The following MPP2 variants were observed in gnomAD, a reference collection of about 807,000 sequenced individuals.
MPP2 encodes the protein MAGUK p55 scaffold protein 2, also known as MAGUK p55 subfamily member 2.
A neutral mutation model predicts 58.5 loss-of-function variants in MPP2; 42 were observed. That is an observed-to-expected ratio of 0.72 (90% CI 0.56 to 0.93). The LOEUF is 0.93. MPP2 is among the 40% of genes least tolerant of loss of function. The pLI is 0.00. For missense variants in MPP2, 632 were observed against 760.4 expected (o/e 0.83, Z 1.99); for synonymous variants, 300 against 307.8 (o/e 0.97, Z 0.26).
intron 2 of MPP2, among the ~76,000 whole-genome samples, chr17:43,899,653 G>A (rs1262515228): frequency 1.3e-5 from 2 of 152,166 alleles, no homozygotes; most frequent in Non-Finnish European, 2.9e-5. Context: ...AGGGAAACAG[G>A]CACTGGAGGC....
chr17:43,909,535 T>G (rs867096647), upstream of MPP2: 25 of 1,412,196 alleles, frequency 1.8e-5, no homozygotes, highest in Middle Eastern at 9.1e-4. Context: ...AATCAAGCAA[T>G]TATTACCTCC....
chr17:43,886,903 C>T (rs180673668), intron 3 of MPP2, among the ~76,000 whole-genome samples: 1 of 152,276 alleles, frequency 6.6e-6, no homozygotes, highest in East Asian at 1.9e-4. Context: ...CCCAATTTTT[C>T]TGTCAGGTCT....
intron 3 of MPP2, among the ~76,000 whole-genome samples, chr17:43,897,496 C>CA (rs914805403): frequency 4.3e-5 from 6 of 139,180 alleles, no homozygotes; most frequent in Non-Finnish European, 7.8e-5. Context: ...CAAAACAAAA[C>CA]AAAAAAAACC....
In MPP2 at chr17:43,881,449, G is replaced by C; in HGVS notation, c.813+9C>G. Reference sequence around the variant, plus strand: ...TACCTGGAGAGATGCGGGGGTGCCCGCAGCTCACCTGCCACCAGTTGGCAT... The same window carrying C: ...TACCTGGAGAGATGCGGGGGTGCCCCCAGCTCACCTGCCACCAGTTGGCAT... On this transcript the variant is annotated intron_variant, in intron 7 of 12. Transcript: ENST00000269095. 6.2e-7 allele frequency: 1 copy of C among 1,614,014 alleles called. No individual in the cohort carries two copies.
At chr17:43,887,813 ATT>A (rs11311164) in intron 3 of MPP2, among the ~76,000 whole-genome samples, 3 of 151,306 alleles carry the variant, frequency 2.0e-5, no homozygotes, top group Non-Finnish European at 3.0e-5. Context: ...CTATTGTTTG[ATT>A]TTTTTTTTAG....
intron 3 of MPP2, among the ~76,000 whole-genome samples, chr17:43,887,318 A>G (rs2047411058): frequency 6.6e-6 from 1 of 152,196 alleles, no homozygotes; most frequent in Non-Finnish European, 1.5e-5. Context: ...CAGGAGATTG[A>G]GGCTGCAGTG....
rs2046985553 is a variant in MPP2 at position 43,879,223 on chromosome 17, C to G, written c.1482+52G>C. 1.9e-6 allele frequency: 3 copies of G among 1,575,098 alleles called. No homozygotes were observed. The highest frequency in any genetic ancestry group is 1.2e-5 in the South Asian group (1 of 86,142). On this transcript the variant is annotated intron_variant, in intron 12 of 12. Coordinates refer to ENST00000269095, the MANE Select transcript of MPP2 (RefSeq NM_005374.5). This position sits in a 1 kb window ranked among gnomAD's most constrained non-coding sequence, Gnocchi z 4.1. ...CTCTCTGTCAGCTCAGGCCTGTCCC[C>G]CACCACCCTAGGCAGCTATCAGACC... is the stretch of plus-strand genomic sequence containing the variant.
chr17:43,898,412 G>A, intron 2 of MPP2, 32 bp from the exon 3 acceptor site: 1 of 1,514,634 alleles, frequency 6.6e-7, no homozygotes, highest in Non-Finnish European at 9.2e-7. Flanking sequence ...GAGATACACA[G>A]GTACCAGCTG....
At chr17:43,885,998 C>T (rs1203327369) in intron 3 of MPP2, among the ~76,000 whole-genome samples, 1 of 151,856 alleles carries the variant, frequency 6.6e-6, no homozygotes, top group African/African-American at 2.4e-5. Flanking sequence ...ATCCCAGCTA[C>T]TCAGGAGGCT....
rs2047047307 is a variant in MPP2, at chr17:43,880,244, C to T, written c.1151-260G>A. On this transcript the variant is annotated intron_variant, in intron 10 of 12. Transcript: ENST00000269095. The surrounding 1 kb of genome is among the most constrained non-coding windows in gnomAD (Gnocchi z 5.2). ...GAGGTCCAGAAAGGGCAATGTACAG[C>T]CCAAAGCCACACAGCAAGAGCCAAG... Among the ~76,000 whole-genome samples, 2 of 152,096 alleles carry T rather than the reference C, an allele frequency of 1.3e-5. 1 individual carries two copies. Among genetic ancestry groups the T allele is most frequent in the South Asian group, 4.1e-4 (2 of 4,822 alleles).
At chr17:43,883,514 A>G in intron 3 of MPP2, 159 bp from the exon 4 acceptor site, 2 of 728,524 alleles carry the variant, frequency 2.7e-6, no homozygotes, top group South Asian at 4.0e-5. Context: ...ACACGTGCAC[A>G]TGCATTCCTT....
intron 3 of MPP2, among the ~76,000 whole-genome samples, chr17:43,885,498 A>G (rs2047328198): frequency 6.6e-6 from 1 of 152,194 alleles, no homozygotes; most frequent in African/African-American, 2.4e-5. Context: ...TCTGGGCATC[A>G]TTTCTTTGGC....
At chr17:43,893,957 C>T (rs1001106694) in intron 3 of MPP2, among the ~76,000 whole-genome samples, 5 of 152,078 alleles carry the variant, frequency 3.3e-5, no homozygotes, top group African/African-American at 1.2e-4. Flanking sequence ...CTTACACTAT[C>T]ATTTCATTTA....
In MPP2 at chr17:43,880,005, T is replaced by C. The variant is rs2047036346; in HGVS notation, c.1151-21A>G. On this transcript the variant is annotated intron_variant, in intron 10 of 12. Transcript: ENST00000269095. This position sits in a 1 kb window ranked among gnomAD's most constrained non-coding sequence, Gnocchi z 5.2. ...GGTGTCTAGGGGGATGGGGGTAGGT[T>C]GGACCAAATGGGCAGGGGCAGGTTA... is the stretch of plus-strand genomic sequence containing the variant. The C allele has an allele frequency of 6.2e-7, 1 of 1,612,706 alleles. No individual in the cohort carries two copies. The highest frequency in any genetic ancestry group is 2.2e-5 in the East Asian group (1 of 44,866).
intron 1 of MPP2, 124 bp from the exon 2 acceptor site, chr17:43,904,617 G>A: frequency 1.4e-6 from 1 of 719,748 alleles, no homozygotes; most frequent in Non-Finnish European, 2.3e-6. Flanking sequence ...CAGAAAGTGG[G>A]GGTTGGAGAA....
intron 3 of MPP2, among the ~76,000 whole-genome samples, chr17:43,898,049 C>A (rs546800320): frequency 1.3e-5 from 2 of 152,244 alleles, no homozygotes; most frequent in Non-Finnish European, 2.9e-5. Context: ...CAAACATCCA[C>A]CCACGCACTC....
At chr17:43,892,589 C>T (rs1567893442) in intron 3 of MPP2, among the ~76,000 whole-genome samples, 1 of 152,002 alleles carries the variant, frequency 6.6e-6, no homozygotes, top group Non-Finnish European at 1.5e-5. Flanking sequence ...TGGAGATTCA[C>T]TTCCTGTTTG....
In MPP2 at chr17:43,876,516, G is replaced by T. The variant is rs998471587; in HGVS notation, c.*1291C>A. On this transcript the variant is annotated 3_prime_UTR_variant, in exon 13 of 13. Transcript: ENST00000269095. The stretch of plus-strand genomic sequence containing the variant: ...GGGAGGAGACATCAGGAAAGGACCA[G>T]GGCTTTGGAGTCTGGGATCAGGGTA... The T allele has an allele frequency of 6.6e-6, 1 of 152,266 alleles. No individual in the cohort carries two copies. Among genetic ancestry groups the T allele is most frequent in the African/African-American group, 2.4e-5 (1 of 41,442 alleles). The allele number at this position is 152,266 out of a possible 1,614,324, so 9.4% of individuals were successfully genotyped here.
chr17:43,901,451 G>A (rs2048093526), intron 2 of MPP2: 1 of 985,396 alleles, frequency 1.0e-6, no homozygotes, highest in African/African-American at 1.7e-5. Flanking sequence ...CAGAAGGGAA[G>A]GACTCAGCTC....
Sources: gnomAD v4.1 joint callset for allele counts (sites outside exome capture counted in the v4.1 genomes callset) on GRCh38, gnomAD v4.1.1 for gene constraint, Gnocchi (gnomAD v3.1) non-coding constraint, MANE v1.5 for transcripts, NCBI Gene and HGNC (gene_info 2026-07-23, HGNC 2026-07-21) for gene names.